DOCK7: variants seen among roughly 807,000 people sequenced by gnomAD.
DOCK7 encodes dedicator of cytokinesis protein 7.
DOCK7 carries 138 observed loss-of-function variants against 271.0 expected under a neutral mutation model. That is an observed-to-expected ratio of 0.51 (90% CI 0.44 to 0.59). The LOEUF is 0.59. Among genes scored for constraint, DOCK7 ranks in the 20% least tolerant of loss-of-function variants. The pLI is 0.00. For missense variants in DOCK7, 2,066 were observed against 2,592.4 expected (o/e 0.80, Z 4.41); for synonymous variants, 823 against 876.1 (o/e 0.94, Z 1.07).
Position 62,537,941 on chromosome 1 carries a change from G to C in DOCK7, c.3421C>G (p.Leu1141Val), listed in dbSNP as rs1047364369. Residue 1141 changes from leucine (L) to valine (V), a missense_variant, in exon 28 of 50, where the codon CTT (leucine) becomes GTT (valine). Physicochemically the swap from Leu to Val is conservative, Grantham distance 32. Transcript: ENST00000635253. ...GGTGATGGAGATGCAGGTGGAGTAA[G>C]TAAGCTGCAGGGTAAGTTTAATGTA... is the stretch of plus-strand genomic sequence containing the variant. Reference protein sequence around the residue: ...YVTLNLPCSLLTPPASPSPSV... With the variant: ...YVTLNLPCSLVTPPASPSPSV... 2 of 1,613,914 alleles carry C rather than the reference G, an allele frequency of 1.2e-6. No homozygotes were observed. Among genetic ancestry groups the C allele is most frequent in the African/African-American group, 2.7e-5 (2 of 74,936 alleles).
At chr1:62,468,454 A>G (rs935292642) in intron 48 of DOCK7, among the ~76,000 whole-genome samples, 3 of 152,130 alleles carry the variant, frequency 2.0e-5, no homozygotes, top group Non-Finnish European at 2.9e-5. Flanking sequence ...CACAGCCAAC[A>G]TAATACTGAA....
chr1:62,552,922 G>T, intron 21 of DOCK7, 21 bp from the exon 22 acceptor site: 1 of 1,460,896 alleles, frequency 6.8e-7, no homozygotes. Flanking sequence ...ATATGAAATA[G>T]CACATAATTA....
intron 12 of DOCK7, chr1:62,624,957 C>T (rs756354253): frequency 2.8e-5 from 5 of 179,826 alleles, no homozygotes; most frequent in Non-Finnish European, 5.8e-5. Context: ...GGCAACAGAG[C>T]GAGACTCTGT....
chr1:62,460,664 C>CTT (rs1256350701), intron 48 of DOCK7, among the ~76,000 whole-genome samples: 1 of 146,354 alleles, frequency 6.8e-6, no homozygotes, highest in South Asian at 2.2e-4. Context: ...TTCTTTTTTT[C>CTT]TTTTTTTTTT....
intron 37 of DOCK7, among the ~76,000 whole-genome samples, chr1:62,500,454 TA>T (rs1342221132): frequency 1.3e-5 from 2 of 152,096 alleles, no homozygotes; most frequent in Non-Finnish European, 2.9e-5. Flanking sequence ...AACATATGTA[TA>T]ATGAACCCAG....
rs1046987896 is a variant in DOCK7 at position 62,688,344 on chromosome 1, T to TGCTCCCTCCCTCGC, written c.-94_-81dup. 5.1e-6 allele frequency: 5 copies of TGCTCCCTCCCTCGC among 978,346 alleles called. No individual in the cohort carries two copies. Among genetic ancestry groups the TGCTCCCTCCCTCGC allele is most frequent in the Non-Finnish European group, 3.9e-6 (3 of 774,644 alleles). 60.6% of individuals were successfully genotyped at this position (978,346 alleles called of 1,614,324 possible). ...CGGCGGGCGCGTGCCTCCTCGCTCG[T>TGCTCCCTCCCTCGC]GCTCCCTCCCTCGCGGCCTCCGCCA... is the stretch of plus-strand genomic sequence containing the variant. On this transcript the variant is annotated 5_prime_UTR_variant, in exon 1 of 50. Transcript: ENST00000635253.
At chr1:62,635,148 T>C in intron 8 of DOCK7, 1 of 332,976 alleles carries the variant, frequency 3.0e-6, no homozygotes, top group South Asian at 7.9e-5. Flanking sequence ...AAATTACTTA[T>C]TTATCTACAG....
chr1:62,657,439 A>T (rs560527519), intron 2 of DOCK7, among the ~76,000 whole-genome samples: 1 of 152,322 alleles, frequency 6.6e-6, no homozygotes, highest in South Asian at 2.1e-4. Context: ...ACCAGCTAAA[A>T]TATGTTTAAA....
At chr1:62,582,310 G>C (rs918255054) in intron 16 of DOCK7, among the ~76,000 whole-genome samples, 1 of 151,884 alleles carries the variant, frequency 6.6e-6, no homozygotes, top group Non-Finnish European at 1.5e-5. Flanking sequence ...CAGCACTTTG[G>C]GAGGCCGAGG....
chr1:62,516,929 G>C (rs1644678799), intron 31 of DOCK7: 1 of 152,372 alleles, frequency 6.6e-6, no homozygotes, highest in Non-Finnish European at 1.5e-5. Context: ...AGATGTATAA[G>C]AACACATGTA....
chr1:62,487,445 T>C (rs1398947869), intron 42 of DOCK7, 33 bp from the exon 43 acceptor site: 33 of 1,607,288 alleles, frequency 2.1e-5, no homozygotes, highest in Non-Finnish European at 2.7e-5. Flanking sequence ...GGGCAAGTCA[T>C]AAAAAAACTG....
Position 62,488,943 on chromosome 1 carries a change from A to T in DOCK7, c.5484T>A (p.Ile1828=). The change falls in exon 42 of 50, where the codon ATT becomes ATA. Residue 1828 remains isoleucine, a synonymous_variant. Coordinates refer to ENST00000635253, the MANE Select transcript of DOCK7 (RefSeq NM_001367561.1). ...AAATTGGAATCATTACCTGATGAAC[A>T]ATTTTGCTGAATGCTTCTTGAAGTT... is the stretch of plus-strand genomic sequence containing the variant. ...HGKLQEAFSK[I]VHQSTGWERM... is the part of the protein sequence containing the mutation. 1 of 1,613,698 alleles carries T rather than the reference A, an allele frequency of 6.2e-7. No homozygotes were observed. The highest frequency in any genetic ancestry group is 1.3e-5 in the African/African-American group (1 of 75,020).
intron 33 of DOCK7, among the ~76,000 whole-genome samples, chr1:62,512,969 G>A (rs571352618): frequency 2.0e-5 from 3 of 151,788 alleles, no homozygotes; most frequent in Non-Finnish European, 4.4e-5. Context: ...TGTAAACTGC[G>A]GACTCTGGGT....
rs564216655 is a variant in DOCK7, at chr1:62,668,626, C to T, written c.39-5496G>A. Among the ~76,000 whole-genome samples, 22 of 152,276 alleles carry T rather than the reference C, an allele frequency of 1.4e-4. No homozygotes were observed. In the South Asian group the frequency reaches 2.5e-3, roughly 17 times the overall value. ...CTTCAGTTGGAGGCTTCAGCAGTGGCTCATGCCTGTAATTCCAGCACTTTG... is the reference window on the plus strand; with the variant it reads ...CTTCAGTTGGAGGCTTCAGCAGTGGTTCATGCCTGTAATTCCAGCACTTTG... On this transcript the variant is annotated intron_variant, in intron 1 of 49. Coordinates refer to ENST00000635253, the MANE Select transcript of DOCK7 (RefSeq NM_001367561.1).
At chr1:62,644,043 T>C (rs2149667691) in intron 7 of DOCK7, among the ~76,000 whole-genome samples, 3 of 152,238 alleles carry the variant, frequency 2.0e-5, no homozygotes, top group Middle Eastern at 6.8e-3. Flanking sequence ...CTAAATCTGA[T>C]TGGTAGTCCT....
At chr1:62,493,607 G>C (rs902744514) in intron 40 of DOCK7, among the ~76,000 whole-genome samples, 1 of 152,134 alleles carries the variant, frequency 6.6e-6, no homozygotes, top group African/African-American at 2.4e-5. Flanking sequence ...TAATTCAACA[G>C]CAATTGTTTT....
At chr1:62,587,691 A>T (rs976230589) in intron 14 of DOCK7, among the ~76,000 whole-genome samples, 2 of 152,166 alleles carry the variant, frequency 1.3e-5, no homozygotes, top group African/African-American at 4.8e-5. Flanking sequence ...ATGTACAGCC[A>T]TATTTATTGA....
At chr1:62,465,011 A>G (rs962430497) in intron 48 of DOCK7, among the ~76,000 whole-genome samples, 3 of 152,224 alleles carry the variant, frequency 2.0e-5, no homozygotes, top group Non-Finnish European at 2.9e-5. Context: ...ACTTACCCAC[A>G]TAAACACGGA....
At chr1:62,556,049 C>A (rs997430527) in intron 20 of DOCK7, 60 bp from the exon 21 acceptor site, 3 of 1,523,304 alleles carry the variant, frequency 2.0e-6, no homozygotes, top group African/African-American at 2.8e-5. Flanking sequence ...GTAAATTCCA[C>A]GAAGATCAAC....
Sources: gnomAD v4.1 joint callset for allele counts (sites outside exome capture counted in the v4.1 genomes callset) on GRCh38, gnomAD v4.1.1 for gene constraint, MANE v1.5 for transcripts, NCBI Gene and HGNC (gene_info 2026-07-23, HGNC 2026-07-21) for gene names.